The following YES1 variants were observed in gnomAD, a reference collection of about 807,000 sequenced individuals.
YES1 encodes tyrosine-protein kinase Yes.
YES1 carries 39 observed loss-of-function variants against 70.4 expected under a neutral mutation model. That is an observed-to-expected ratio of 0.55 (90% CI 0.43 to 0.72). The LOEUF (loss-of-function observed/expected upper bound fraction) is 0.72, where lower values mean the gene tolerates loss of function less well. Ranked by LOEUF, YES1 falls within the 30% of genes least tolerant of loss-of-function variation. The pLI, the probability that YES1 is intolerant of heterozygous loss-of-function variation, is 0.00. For missense variants in YES1, 495 were observed against 644.8 expected, an observed-to-expected ratio of 0.77 and a Z score of 2.52; for synonymous variants, 198 against 218.6, an observed-to-expected ratio of 0.91 and a Z score of 0.83.
At chr18:760,385 G>A (rs569831960) in intron 1 of YES1, among the ~76,000 whole-genome samples, 1 of 152,200 alleles carries the variant, frequency 6.6e-6, no homozygotes, top group South Asian at 2.1e-4. Context: ...CAGAAGAATC[G>A]CTTGAATCTG....
In YES1 at chr18:749,584, G is replaced by A. The variant is rs1214613882; in HGVS notation, c.372-1566C>T. 3.3e-5 allele frequency among the ~76,000 whole-genome samples: 5 copies of A among 152,006 alleles called. No individual in the cohort carries two copies. In the South Asian group the frequency reaches 8.3e-4, roughly 25 times the overall value. The stretch of plus-strand genomic sequence containing the variant: ...AAATGTTATCTAGAAGGCTGGGCGC[G>A]GTGGCTCACGCCTGTAATCCCAGCA... On this transcript the variant is annotated intron_variant, in intron 3 of 11. Transcript: ENST00000314574.
intron 1 of YES1, among the ~76,000 whole-genome samples, chr18:795,049 G>A (rs987033279): frequency 1.3e-5 from 2 of 152,098 alleles, no homozygotes; most frequent in Admixed American, 1.3e-4. Flanking sequence ...TACTGATCTC[G>A]TGATCCGCCT....
At position 742,815 on chromosome 18, in the gene YES1, A is replaced by C. The variant is rs1598897849; in HGVS notation, c.1060+103T>G. The C allele has an allele frequency of 4.4e-6, 4 of 905,484 alleles. 1 individual carries two copies. The allele number at this position is 905,484 out of a possible 1,614,324, so 56.1% of individuals were successfully genotyped here. On this transcript the variant is annotated intron_variant, in intron 8 of 11. Coordinates refer to ENST00000314574, the MANE Select transcript of YES1 (RefSeq NM_005433.4). ...GTTTCTTCTATCCAAATATGTCTAC[A>C]TAAAAATCTTAAATTAGAAAACAGT...
At chr18:744,114 C>A (rs8099748) in intron 6 of YES1, among the ~76,000 whole-genome samples, 2 of 150,656 alleles carry the variant, frequency 1.3e-5, no homozygotes, top group Middle Eastern at 3.2e-3. Context: ...GTATGTTCCA[C>A]TATTGTGCTA....
intron 1 of YES1, among the ~76,000 whole-genome samples, chr18:794,874 T>C (rs1331243781): frequency 1.3e-5 from 2 of 152,238 alleles, no homozygotes; most frequent in African/African-American, 2.4e-5. Flanking sequence ...TGGAGAGCAG[T>C]GGTGCAATCT....
intron 1 of YES1, among the ~76,000 whole-genome samples, chr18:757,270 A>G (rs61052658): frequency 0.066 from 9,874 of 149,998 alleles, 711 homozygotes; most frequent in African/African-American, 0.18. Context: ...TTGGGAGGCC[A>G]AGGCGGGCGG....
intron 1 of YES1, among the ~76,000 whole-genome samples, chr18:759,696 T>C (rs1904474770): frequency 1.0e-5 from 1 of 98,182 alleles, no homozygotes; most frequent in Non-Finnish European, 2.0e-5. Flanking sequence ...CTGGAGACAA[T>C]TTATTTATTT....
intron 1 of YES1, among the ~76,000 whole-genome samples, chr18:803,229 C>T (rs533757571): frequency 5.9e-5 from 9 of 152,094 alleles, no homozygotes; most frequent in South Asian, 2.1e-4. Flanking sequence ...AGTGAGACTC[C>T]GTCTCAAAAA....
In YES1 at chr18:724,529, C is replaced by T. The variant is rs2079994840; in HGVS notation, c.1527G>A (p.Trp509Ter). Residue 509 changes from tryptophan to a stop codon, truncating the protein, a stop_gained, in exon 12 of 12, where the codon TGG becomes TGA. Transcript: ENST00000314574. LOFTEE classifies it high-confidence loss of function. ...TTGGTCTTTCATCAGGGTCCTTCTT[C>T]CAACACAGATTCATCAATTCATGGA... ...ESLHELMNLC[W>*]KKDPDERPTF... The T allele has an allele frequency of 6.2e-7, 1 of 1,614,064 alleles. No homozygotes were observed. The highest frequency in any genetic ancestry group is 8.5e-7 in the Non-Finnish European group (1 of 1,180,044).
intron 3 of YES1, among the ~76,000 whole-genome samples, chr18:748,778 C>CT (rs962440266): frequency 1.3e-4 from 18 of 139,434 alleles, no homozygotes; most frequent in Admixed American, 2.1e-4. Context: ...TTGTAATACT[C>CT]TTTTTTACTC....
In YES1 at chr18:730,301, C is replaced by T. The variant is rs145090996; in HGVS notation, c.1423+2533G>A. ...TCTGTTAGGTCTCCCAGAGACTCTC[C>T]CTGTGTATGTGCAGATTAGAACTGA... On this transcript the variant is annotated intron_variant, in intron 11 of 11. Coordinates refer to ENST00000314574, the MANE Select transcript of YES1 (RefSeq NM_005433.4). Among the ~76,000 whole-genome samples, 411 of 152,012 alleles carry T rather than the reference C, an allele frequency of 2.7e-3. 2 individuals are homozygous for T. Among genetic ancestry groups the T allele is most frequent in the African/African-American group, 9.5e-3 (392 of 41,452 alleles).
rs1341489085 is a variant in YES1, at chr18:723,144, G to A, written c.*1280C>T. 1 of 152,158 alleles carries A rather than the reference G, an allele frequency of 6.6e-6. No homozygotes were observed. 9.4% of individuals were successfully genotyped at this position (152,158 alleles called of 1,614,324 possible). A position where few individuals can be genotyped will look rare whatever the true frequency, so the allele number is the denominator to read the frequency against. On this transcript the variant is annotated 3_prime_UTR_variant, in exon 12 of 12. Coordinates refer to ENST00000314574, the MANE Select transcript of YES1 (RefSeq NM_005433.4). ...TAGATTCAAACATGATTTGAAAACT[G>A]GAGTTCTAAAAATGTTTTACATAAA...
intron 1 of YES1, among the ~76,000 whole-genome samples, chr18:789,872 C>A (rs952175602): frequency 1.3e-5 from 2 of 151,940 alleles, no homozygotes; most frequent in African/African-American, 4.8e-5. Context: ...CCAGTCTGAT[C>A]AACGTGGTGA....
intron 2 of YES1, among the ~76,000 whole-genome samples, chr18:755,543 C>A (rs930339609): frequency 2.6e-5 from 4 of 152,144 alleles, no homozygotes; most frequent in African/African-American, 9.7e-5. Flanking sequence ...TGAGCCACTG[C>A]GCCTGGCCTG....
In YES1 at chr18:801,495, T is replaced by C. The variant is rs76393975; in HGVS notation, c.-9+10619A>G. 9.6e-3 allele frequency among the ~76,000 whole-genome samples: 1,464 copies of C among 152,262 alleles called. 78 individuals carry two copies. In the East Asian group the frequency reaches 0.14, roughly 14 times the overall value. On this transcript the variant is annotated intron_variant, in intron 1 of 11. Coordinates refer to ENST00000314574, the MANE Select transcript of YES1 (RefSeq NM_005433.4). ...ACTGCTATTCTACTGACAGGGCAAA[T>C]TAGAAAATGGCTATCTTTCTGCAAC...
At chr18:757,353 A>G (rs1208009933) in intron 1 of YES1, among the ~76,000 whole-genome samples, 1 of 152,010 alleles carries the variant, frequency 6.6e-6, no homozygotes, top group Non-Finnish European at 1.5e-5. Flanking sequence ...AATGCAAAAA[A>G]TTAGCCGGGC....
chr18:765,266 A>ATCTATATATC (rs1441066828), intron 1 of YES1, among the ~76,000 whole-genome samples: 3 of 68,538 alleles, frequency 4.4e-5, no homozygotes, highest in African/African-American at 1.9e-4. Context: ...ATATATATAT[A>ATCTATATATC]TATATATATA....
intron 9 of YES1, chr18:738,039 C>T (rs1446868942): frequency 6.6e-6 from 1 of 151,804 alleles, no homozygotes; most frequent in East Asian, 1.9e-4. Flanking sequence ...CTCACAAAAC[C>T]TAATTTTTTT....
intron 1 of YES1, among the ~76,000 whole-genome samples, chr18:789,460 G>C (rs1906130690): frequency 6.6e-6 from 1 of 152,122 alleles, no homozygotes; most frequent in South Asian, 2.1e-4. Flanking sequence ...GTACAGGCCT[G>C]TAGTCCCAAC....
Sources: gnomAD v4.1 joint callset for allele counts (sites outside exome capture counted in the v4.1 genomes callset) on GRCh38, gnomAD v4.1.1 for gene constraint, MANE v1.5 for transcripts, NCBI Gene and HGNC (gene_info 2026-07-23, HGNC 2026-07-21) for gene names.